Variants in FUT8 observed in about 807,000 individuals in gnomAD.
The protein encoded by FUT8 is fucosyltransferase 8.
A neutral mutation model predicts 71.3 loss-of-function variants in FUT8; 29 were observed. The observed-to-expected ratio is 0.41, with a 90% confidence interval of 0.30 to 0.55. FUT8 has a LOEUF of 0.55. Among genes scored for constraint, FUT8 ranks in the 20% least tolerant of loss-of-function variants. FUT8 has a pLI of 0.34. For synonymous variants in FUT8, 254 were observed against 239.3 expected, an observed-to-expected ratio of 1.06 and a Z score of -0.57; for missense variants, 544 against 702.1, an observed-to-expected ratio of 0.77 and a Z score of 2.55.
chr14:65,724,821 C>T (rs890279060), intron 9 of FUT8, among the ~76,000 whole-genome samples: 40 of 152,146 alleles, frequency 2.6e-4, no homozygotes, highest in Admixed American at 1.0e-3. Context: ...GTGCAGGGAA[C>T]AGGAGAGGAA....
chr14:65,570,912 A>G (rs1010407206), intron 3 of FUT8, among the ~76,000 whole-genome samples: 1 of 152,122 alleles, frequency 6.6e-6, no homozygotes. Context: ...CCATATTTCA[A>G]CCATTCACAC....
At position 65,472,696 on chromosome 14, in the gene FUT8, T is replaced by C. The variant is rs2066167057; in HGVS notation, c.-228+16978T>C. ...TAAAGCCCTATGCTGATACTTTGGA[T>C]TTATGGAACCAATTAATTTGATGAC... On this transcript the variant is annotated intron_variant, in intron 2 of 10. Transcript: ENST00000673929. The surrounding 1 kb of genome is among the most constrained non-coding windows in gnomAD (Gnocchi z 4.4). 6.6e-6 allele frequency among the ~76,000 whole-genome samples: 1 copy of C among 152,136 alleles called. No homozygotes were observed. The highest frequency in any genetic ancestry group is 1.5e-5 in the Non-Finnish European group (1 of 68,018).
At chr14:65,382,509 A>T in the FUT8 span, among the ~76,000 whole-genome samples, 12 of 152,058 alleles carry the variant, frequency 7.9e-5, no homozygotes, top group African/African-American at 2.4e-4. Flanking sequence ...CTAATTTTTT[A>T]AAATGTTTTT....
At chr14:65,475,714 A>G (rs1465793023) in intron 2 of FUT8, among the ~76,000 whole-genome samples, 1 of 151,900 alleles carries the variant, frequency 6.6e-6, no homozygotes, top group East Asian at 1.9e-4. Flanking sequence ...GCTCTACCAT[A>G]TAGAGCTCAG....
rs1021850641 is a variant in FUT8 at position 65,455,393 on chromosome 14, A to T, written c.-325-228A>T. Among the ~76,000 whole-genome samples, 6 of 152,250 alleles carry T rather than the reference A, an allele frequency of 3.9e-5. No individual in the cohort carries two copies. In the East Asian group the frequency reaches 9.6e-4, roughly 24 times the overall value. ...TATTGTAAGTTGAACTATGAAGCAA[A>T]TTAAACCACTGAGTGTTACTGAGTT... On this transcript the variant is annotated intron_variant, in intron 1 of 10. Coordinates refer to ENST00000673929, the MANE Select transcript of FUT8 (RefSeq NM_001371533.1).
intron 3 of FUT8, among the ~76,000 whole-genome samples, chr14:65,611,301 A>ACAC (rs1434787404): frequency 2.6e-5 from 1 of 38,592 alleles, no homozygotes; most frequent in African/African-American, 1.4e-4. Context: ...ACACACACAC[A>ACAC]CCCCCCAAGT....
chr14:65,713,131 C>T (rs1894887124), intron 7 of FUT8, among the ~76,000 whole-genome samples: 1 of 152,174 alleles, frequency 6.6e-6, no homozygotes, highest in South Asian at 2.1e-4. Flanking sequence ...ATTTTTAGCT[C>T]CCACAAATAA....
At chr14:65,510,467 CT>C (rs1882261212) in intron 2 of FUT8, among the ~76,000 whole-genome samples, 1 of 152,042 alleles carries the variant, frequency 6.6e-6, no homozygotes, top group Non-Finnish European at 1.5e-5. Flanking sequence ...AGTATTCCCC[CT>C]CCTCTATTTT....
chr14:65,681,312 C>T (rs79851925), intron 7 of FUT8, among the ~76,000 whole-genome samples: 2 of 152,206 alleles, frequency 1.3e-5, no homozygotes, highest in South Asian at 2.1e-4. Flanking sequence ...TACCACCTTA[C>T]CTATGTTATT....
rs1896572490 is a variant in FUT8 at position 65,742,880 on chromosome 14, A to G, written c.*470A>G. ...TGTGACCACTGAATTCACTCCAGTC[A>G]ACAGATTCAGAATGAGAATGGACGT... On this transcript the variant is annotated 3_prime_UTR_variant, in exon 11 of 11. Transcript: ENST00000673929. 1 of 153,270 alleles carries G rather than the reference A, an allele frequency of 6.5e-6. No individual in the cohort carries two copies. Among genetic ancestry groups the G allele is most frequent in the African/African-American group, 2.4e-5 (1 of 41,332 alleles). 9.5% of individuals were successfully genotyped at this position (153,270 alleles called of 1,614,324 possible).
chr14:65,575,580 CTT>C, intron 3 of FUT8, among the ~76,000 whole-genome samples: 1 of 3,238 alleles, frequency 3.1e-4, no homozygotes, highest in Non-Finnish European at 2.1e-3. Flanking sequence ...TCCTTCCTTC[CTT>C]CTTCCTTCCT....
intron 2 of FUT8, among the ~76,000 whole-genome samples, chr14:65,542,449 A>G (rs1039577756): frequency 6.6e-6 from 1 of 152,216 alleles, no homozygotes; most frequent in African/African-American, 2.4e-5. Flanking sequence ...ATAGTATCCC[A>G]CAATGGTTGT....
chr14:65,724,115 C>T, intron 8 of FUT8, 32 bp from the exon 9 acceptor site: 3 of 1,519,870 alleles, frequency 2.0e-6, no homozygotes, highest in Non-Finnish European at 1.8e-6. Flanking sequence ...AGTGTCAGTA[C>T]ATTACCAGTA....
chr14:65,658,697 T>C (rs570848286), intron 6 of FUT8, among the ~76,000 whole-genome samples: 1 of 152,108 alleles, frequency 6.6e-6, no homozygotes, highest in Non-Finnish European at 1.5e-5. Context: ...ATAATGCTCT[T>C]AAAGTGACTA....
intron 3 of FUT8, among the ~76,000 whole-genome samples, chr14:65,609,708 A>G (rs961645257): frequency 1.3e-5 from 2 of 151,528 alleles, no homozygotes; most frequent in South Asian, 2.1e-4. Context: ...ATTTTTGTTC[A>G]TTCATTCATT....
At chr14:65,443,156 A>T (rs2065686737) in intron 1 of FUT8, among the ~76,000 whole-genome samples, 1 of 149,704 alleles carries the variant, frequency 6.7e-6, no homozygotes, top group African/African-American at 2.4e-5. Context: ...CACGCCTGTA[A>T]TCCCAGCACT....
At chr14:65,628,106 A>G (rs1176550509) in intron 5 of FUT8, among the ~76,000 whole-genome samples, 1 of 152,200 alleles carries the variant, frequency 6.6e-6, no homozygotes, top group Non-Finnish European at 1.5e-5. Flanking sequence ...TAGATGAGCC[A>G]TGTGAATAGA....
chr14:65,630,650 T>C (rs150739926), intron 6 of FUT8, among the ~76,000 whole-genome samples: 1 of 152,230 alleles, frequency 6.6e-6, no homozygotes, highest in Non-Finnish European at 1.5e-5. Flanking sequence ...GCTTTGGAAG[T>C]GAAGAGACAA....
chr14:65,560,638 A>T (rs1885868619), intron 2 of FUT8, among the ~76,000 whole-genome samples: 1 of 152,230 alleles, frequency 6.6e-6, no homozygotes, highest in African/African-American at 2.4e-5. Context: ...TTTAAGATGC[A>T]CAGTAACTAA....
Sources: gnomAD v4.1 joint callset for allele counts (sites outside exome capture counted in the v4.1 genomes callset) on GRCh38, gnomAD v4.1.1 for gene constraint, Gnocchi (gnomAD v3.1) non-coding constraint, MANE v1.5 for transcripts, NCBI Gene and HGNC (gene_info 2026-07-23, HGNC 2026-07-21) for gene names.